FGF14: variants seen among roughly 807,000 people sequenced by gnomAD.
FGF14 encodes the protein fibroblast growth factor 14, also known as fibroblast growth factor homologous factor 4.
FGF14 carries 5 observed loss-of-function variants against 25.5 expected under a neutral mutation model. The observed-to-expected ratio is 0.20, with a 90% CI of 0.10 to 0.41. The LOEUF (loss-of-function observed/expected upper bound fraction) is 0.41. Among genes scored for constraint, FGF14 ranks in the 10% least tolerant of loss-of-function variants. The probability of loss-of-function intolerance (pLI) is 1.00; values close to 1 mark genes in which losing one functional copy is unlikely to be tolerated. For synonymous variants in FGF14, 138 were observed against 118.3 expected (o/e 1.17, Z -1.08); for missense variants, 222 against 320.1 (o/e 0.69, Z 2.34).
At chr13:102,347,724 A>T (rs917849247) in intron 1 of FGF14, among the ~76,000 whole-genome samples, 9 of 152,222 alleles carry the variant, frequency 5.9e-5, no homozygotes, top group African/African-American at 2.2e-4. Context: ...CACTGGGGTC[A>T]GCCACTGAAG....
intron 1 of FGF14, among the ~76,000 whole-genome samples, chr13:102,164,415 T>C (rs1413738709): frequency 6.6e-6 from 1 of 152,108 alleles, no homozygotes; most frequent in African/African-American, 2.4e-5. Flanking sequence ...CTTGCGACCA[T>C]GCCAGGAAGA....
At chr13:101,821,286 C>T (rs2042143118) in intron 3 of FGF14, among the ~76,000 whole-genome samples, 1 of 152,106 alleles carries the variant, frequency 6.6e-6, no homozygotes, top group Non-Finnish European at 1.5e-5. Flanking sequence ...ACATATTGAT[C>T]GTGCAGCATT....
At position 101,715,567 on chromosome 13, in the gene FGF14, T is replaced by C; in HGVS notation, c.*7264A>G. Reference sequence around the variant, plus strand: ...CCTATATGTATTTTATTGCAGGGAATGGAATATGTAGCTGTGGAAACTGTG... The same window carrying C: ...CCTATATGTATTTTATTGCAGGGAACGGAATATGTAGCTGTGGAAACTGTG... On this transcript the variant is annotated 3_prime_UTR_variant, in exon 5 of 5. Transcript: ENST00000376143. The C allele has an allele frequency of 1.2e-6, 2 of 1,608,784 alleles. No homozygotes were observed. Among genetic ancestry groups the C allele is most frequent in the South Asian group, 2.2e-5 (2 of 90,966 alleles).
At chr13:102,243,250 A>G (rs1004928510) in intron 1 of FGF14, among the ~76,000 whole-genome samples, 1 of 152,104 alleles carries the variant, frequency 6.6e-6, no homozygotes, top group Admixed American at 6.6e-5. Flanking sequence ...TCTTTAAGTG[A>G]CGGTCTCTTT....
At chr13:101,847,443 A>G (rs946281136) in intron 3 of FGF14, among the ~76,000 whole-genome samples, 7 of 152,094 alleles carry the variant, frequency 4.6e-5, no homozygotes, top group Admixed American at 3.3e-4. Context: ...TGAATCAGAA[A>G]TGGGAACAAA....
chr13:101,898,441 G>C (rs555342453), intron 1 of FGF14, among the ~76,000 whole-genome samples: 1 of 151,652 alleles, frequency 6.6e-6, no homozygotes, highest in East Asian at 1.9e-4. Flanking sequence ...AAAACTTAGA[G>C]TGGAATATGG....
In FGF14 at chr13:101,932,393, C is replaced by A. The variant is rs111842027; in HGVS notation, c.209-57097G>T. Among the ~76,000 whole-genome samples the A allele has an allele frequency of 2.8e-3, 418 of 151,794 alleles. 1 individual carries two copies. Among genetic ancestry groups the A allele is most frequent in the African/African-American group, 9.5e-3 (392 of 41,350 alleles). On this transcript the variant is annotated intron_variant, in intron 1 of 4. Coordinates refer to the FGF14 transcript ENST00000376131. ...TAAAAATACAAAAAAGTTAGCTGGG[C>A]GTGGTGGCTGGTGCCTGTAATCCCA...
In FGF14 at chr13:102,222,860, C is replaced by G. The variant is rs76990695; in HGVS notation, c.208+178611G>C. Among the ~76,000 whole-genome samples, 774 of 152,206 alleles carry G rather than the reference C, an allele frequency of 5.1e-3. 1 individual carries two copies. The highest frequency in any genetic ancestry group is 9.3e-3 in the Non-Finnish European group (631 of 67,996). ...GTCCTCTAAGGGAATCTGTCCAGCC[C>G]GAAGTGCTGATTACATACCAAAATC... On this transcript the variant is annotated intron_variant, in intron 1 of 4. Coordinates refer to the FGF14 transcript ENST00000376131.
At chr13:102,274,568 C>T (rs764817706) in intron 1 of FGF14, among the ~76,000 whole-genome samples, 15 of 152,006 alleles carry the variant, frequency 9.9e-5, no homozygotes, top group South Asian at 2.1e-4. Context: ...GAATGAAATG[C>T]CAATTTTATA....
chr13:102,313,417 G>A (rs1001733286), intron 1 of FGF14, among the ~76,000 whole-genome samples: 9 of 152,170 alleles, frequency 5.9e-5, no homozygotes, highest in African/African-American at 2.2e-4. Flanking sequence ...TTGTTTGTTG[G>A]AGCCAGGGAA....
intron 1 of FGF14, among the ~76,000 whole-genome samples, chr13:102,267,466 T>C (rs891646782): frequency 6.6e-6 from 1 of 152,186 alleles, no homozygotes; most frequent in Admixed American, 6.6e-5. Context: ...CAGTCAAGTG[T>C]ATAGACAAAA....
chr13:102,396,099 T>TTA (rs767708310), intron 1 of FGF14, among the ~76,000 whole-genome samples: 6 of 152,054 alleles, frequency 3.9e-5, no homozygotes, highest in Non-Finnish European at 8.8e-5. Flanking sequence ...GTTCAACACA[T>TTA]AACTAAACCT....
At chr13:101,971,374 C>CTT (rs34042855) in intron 1 of FGF14, among the ~76,000 whole-genome samples, 4 of 146,474 alleles carry the variant, frequency 2.7e-5, no homozygotes, top group African/African-American at 7.5e-5. Context: ...CAGCATATAA[C>CTT]TTTTTTTTTT....
intron 1 of FGF14, among the ~76,000 whole-genome samples, chr13:102,275,262 T>TCTCTCTCTCTCTCTCTCTCTCTCTCTC (rs1555391875): frequency 1.5e-5 from 1 of 68,916 alleles, no homozygotes; most frequent in South Asian, 5.4e-4. Context: ...CTCTCTCTCT[T>TCTCTCTCTCTCTCTCTCTCTCTCTCTC]TCTCTCTCTC....
chr13:102,168,999 G>A (rs1003720264), intron 1 of FGF14, among the ~76,000 whole-genome samples: 5 of 151,582 alleles, frequency 3.3e-5, no homozygotes, highest in African/African-American at 1.2e-4. Flanking sequence ...AGAACAGGGA[G>A]ACAGAGAAGA....
intron 1 of FGF14, among the ~76,000 whole-genome samples, chr13:102,060,643 CATAA>C (rs2042643372): frequency 1.3e-5 from 2 of 152,152 alleles, no homozygotes; most frequent in African/African-American, 4.8e-5. Flanking sequence ...CTTTAAATTA[CATAA>C]ATAAAAAAGG....
At chr13:101,959,980 T>C (rs940075510) in intron 1 of FGF14, among the ~76,000 whole-genome samples, 5 of 152,238 alleles carry the variant, frequency 3.3e-5, no homozygotes, top group African/African-American at 1.2e-4. Flanking sequence ...AATTTAATAA[T>C]CTCAGCTTAA....
At chr13:102,397,241 A>G (rs938641840) in intron 1 of FGF14, among the ~76,000 whole-genome samples, 2 of 152,154 alleles carry the variant, frequency 1.3e-5, no homozygotes, top group Admixed American at 6.5e-5. Flanking sequence ...AAAAAAACGT[A>G]TATTTAAATG....
chr13:101,860,154 C>T (rs1359436332), intron 3 of FGF14, among the ~76,000 whole-genome samples: 1 of 151,978 alleles, frequency 6.6e-6, no homozygotes, highest in African/African-American at 2.4e-5. Context: ...GATTGCAAAC[C>T]AGCCATTATT....
Sources: gnomAD v4.1 joint callset for allele counts (sites outside exome capture counted in the v4.1 genomes callset) on GRCh38, gnomAD v4.1.1 for gene constraint, MANE v1.5 for transcripts, NCBI Gene and HGNC (gene_info 2026-07-23, HGNC 2026-07-21) for gene names.